ZNF250: variants seen among roughly 807,000 people sequenced by gnomAD.
ZNF250 encodes zinc finger protein (clone 647).
Under a neutral mutation model 37.1 loss-of-function variants are expected in ZNF250, and 13 were observed. The ratio of observed to expected loss-of-function variants is 0.35; its 90% CI spans 0.23 to 0.56. The LOEUF is 0.56. ZNF250 is among the 20% of genes least tolerant of loss of function. ZNF250 has a pLI of 0.87. For synonymous variants in ZNF250, 251 were observed against 265.6 expected (o/e 0.94, Z 0.54); for missense variants, 474 against 697.9 (o/e 0.68, Z 3.61).
chr8:144,893,288 C>T (rs1832479711), intron 1 of ZNF250, among the ~76,000 whole-genome samples: 1 of 152,188 alleles, frequency 6.6e-6, no homozygotes, highest in South Asian at 2.1e-4. Flanking sequence ...TCTCTCCTGC[C>T]ACACCCTGAC....
rs1831275430 is a variant in ZNF250 at position 144,878,818 on chromosome 8, C to T, written c.*2697G>A. The T allele has an allele frequency of 6.6e-6, 1 of 152,142 alleles. No individual in the cohort carries two copies. Among genetic ancestry groups the T allele is most frequent in the South Asian group, 2.1e-4 (1 of 4,832 alleles). The allele number at this position is 152,142 out of a possible 1,614,324, so 9.4% of individuals were successfully genotyped here. ...CAATGATCTAATCTCTAAAGTAATA[C>T]CTTAGTGATCCCATTTCCGTTATTT... On this transcript the variant is annotated 3_prime_UTR_variant, in exon 6 of 6. Transcript: ENST00000417550.
rs1184029120 is a variant in ZNF250, at chr8:144,879,304, C to T, written c.*2211G>A. On this transcript the variant is annotated 3_prime_UTR_variant, in exon 6 of 6. Coordinates refer to ENST00000417550, the MANE Select transcript of ZNF250 (RefSeq NM_001109689.4). Reference sequence around the variant, plus strand: ...CAGCTCCTTTCTCAAGTTAACCAATCAGTTACCAGTTCCTCTCTGGAGTTA... The same window carrying T: ...CAGCTCCTTTCTCAAGTTAACCAATTAGTTACCAGTTCCTCTCTGGAGTTA... 1 of 152,250 alleles carries T rather than the reference C, an allele frequency of 6.6e-6. No individual in the cohort carries two copies. Among genetic ancestry groups the T allele is most frequent in the African/African-American group, 2.4e-5 (1 of 41,464 alleles). The allele number at this position is 152,250 out of a possible 1,614,324, so 9.4% of individuals were successfully genotyped here.
At chr8:144,898,105 T>A (rs1238210100) in intron 1 of ZNF250, among the ~76,000 whole-genome samples, 2 of 152,164 alleles carry the variant, frequency 1.3e-5, no homozygotes, top group Admixed American at 6.6e-5. Context: ...AAGACCAGCC[T>A]GGGTGACATG....
In ZNF250 at chr8:144,884,847, G is replaced by C. The variant is rs2735959; in HGVS notation, c.346+1993C>G. The stretch of plus-strand genomic sequence containing the variant: ...TCCTCACCCACATGTTATATTGTCA[G>C]ATCTTTCCATTTTTTCCATTCTGAA... On this transcript the variant is annotated intron_variant, in intron 5 of 5. Coordinates refer to ENST00000417550, the MANE Select transcript of ZNF250 (RefSeq NM_001109689.4). Among the ~76,000 whole-genome samples the C allele has an allele frequency of 2.6e-3, 397 of 152,236 alleles. 14 individuals are homozygous for C. In the East Asian group the frequency reaches 0.07, roughly 27 times the overall value.
rs1026872331 is a variant in ZNF250 at position 144,882,800 on chromosome 8, A to C, written c.383T>G (p.Leu128Trp). Residue 128 changes from leucine to tryptophan, a missense_variant, in exon 6 of 6, where the codon TTG becomes TGG. By Grantham distance (61) the Leu-to-Trp change is moderately conservative. This residue lies in a region of ZNF250 where 192 missense variants were observed against 227.5 expected (regional missense o/e 0.84). Coordinates refer to ENST00000417550, the MANE Select transcript of ZNF250 (RefSeq NM_001109689.4). The surrounding 1 kb of genome is among the most constrained non-coding windows in gnomAD (Gnocchi z 5.5). ...CTCTGAAATTAATGGCTTCGGACTC[A>C]AGTCTGTATTTTGACTCTCTCCCTT... Reference protein sequence around the residue: ...ETKGESQNTDLSPKPLISEQT... With the variant: ...ETKGESQNTDWSPKPLISEQT... The C allele has an allele frequency of 1.2e-6, 2 of 1,612,956 alleles. No individual in the cohort carries two copies. Among genetic ancestry groups the C allele is most frequent in the Admixed American group, 1.7e-5 (1 of 59,752 alleles).
chr8:144,880,724 T>G lies in ZNF250; in HGVS notation c.*791A>C, dbSNP rs935989596. 3.0e-6 allele frequency: 1 copy of G among 328,882 alleles called. No homozygotes were observed. The highest frequency in any genetic ancestry group is 6.1e-6 in the Non-Finnish European group (1 of 163,608). The allele number at this position is 328,882 out of a possible 1,614,324, so 20.4% of individuals were successfully genotyped here. A position where few individuals can be genotyped will look rare whatever the true frequency, so the allele number is the denominator to read the frequency against. Reference sequence around the variant, plus strand: ...ACTAAAAATACAAAAATTAGCCAGGTGTGGTGGCGCATATCTATAATCCTA... The same window carrying G: ...ACTAAAAATACAAAAATTAGCCAGGGGTGGTGGCGCATATCTATAATCCTA... On this transcript the variant is annotated 3_prime_UTR_variant, in exon 6 of 6. Transcript: ENST00000417550.
In ZNF250 at chr8:144,882,562, G is replaced by C; in HGVS notation, c.621C>G (p.Ser207=). The part of the protein sequence containing the change: ...VECGKCFGRS[S]HLLQHQRIHT... ...GGATACGCTGATGCTGAAGGAGGTG[G>C]GAACTCCGGCCAAAGCACTTCCCAC... The change falls in exon 6 of 6, where the codon TCC becomes TCG. Residue 207 remains serine, a synonymous_variant. Transcript: ENST00000417550. The surrounding 1 kb of genome is among the most constrained non-coding windows in gnomAD (Gnocchi z 5.5). The C allele has an allele frequency of 6.2e-7, 1 of 1,614,050 alleles. No homozygotes were observed. The highest frequency in any genetic ancestry group is 8.5e-7 in the Non-Finnish European group (1 of 1,180,006).
Position 144,889,653 on chromosome 8 carries a change from G to C in ZNF250, c.211C>G (p.Arg71Gly). 1 of 1,613,930 alleles carries C rather than the reference G, an allele frequency of 6.2e-7. No homozygotes were observed. The highest frequency in any genetic ancestry group is 1.1e-5 in the South Asian group (1 of 91,090). Residue 71 changes from arginine to glycine, a missense_variant, in exon 4 of 6, where the codon CGA becomes GGA. Transcript: ENST00000417550. ...SKPDIISQLE[R>G]GEDPWVLDRK... The stretch of plus-strand genomic sequence containing the variant: ...TCCAGGACCCAGGGATCTTCCCCTC[G>C]CTCCAGCTGGGAGATTATGTCAGGC...
chr8:144,886,917 G>GC lies in ZNF250; in HGVS notation c.284-16dup, dbSNP rs1831923058. ...TTTGAGGTTGTCTGGAAAAAAAACA[G>GC]CGAGTTGAAGTGACAACAAAATACT... On this transcript the variant is annotated splice_polypyrimidine_tract_variant and intron_variant, in intron 4 of 5. Transcript: ENST00000417550. 6.2e-7 allele frequency: 1 copy of GC among 1,612,358 alleles called. No individual in the cohort carries two copies. The highest frequency in any genetic ancestry group is 1.1e-5 in the South Asian group (1 of 91,062).
intron 4 of ZNF250, among the ~76,000 whole-genome samples, chr8:144,888,378 C>A (rs1309255837): frequency 2.0e-5 from 3 of 152,098 alleles, no homozygotes; most frequent in Non-Finnish European, 4.4e-5. Context: ...AGGTGGATCA[C>A]TTCAGGTCAG....
rs35055560 is a variant in ZNF250 at position 144,889,609 on chromosome 8, C to T, written c.255G>A (p.Lys85=). ...AGTAGTCACTCCACAGGCCCTGGCT[C>T]TTCTTAGCCCCCTTCCTGTCCAGGA... ...PWVLDRKGAK[K]SQGLWSDYSD... Residue 85 remains lysine, a synonymous_variant, in exon 4 of 6, where the codon AAG becomes AAA. Coordinates refer to ENST00000417550, the MANE Select transcript of ZNF250 (RefSeq NM_001109689.4). The T allele has an allele frequency of 8.1e-5, 131 of 1,614,004 alleles. No homozygotes were observed. In the African/African-American group the frequency reaches 1.6e-3, roughly 19 times the overall value.
intron 4 of ZNF250, among the ~76,000 whole-genome samples, chr8:144,888,546 G>A (rs1000768747): frequency 2.1e-5 from 3 of 141,222 alleles, no homozygotes; most frequent in South Asian, 2.2e-4. Context: ...GCAGTGACCC[G>A]AGACTCATGC....
rs747989140 is a variant in ZNF250, at chr8:144,890,325, C to T, written c.25G>A (p.Val9Met). Residue 9 changes from valine (V) to methionine (M), a missense_variant, in exon 2 of 6, where the codon GTG becomes ATG. By Grantham distance (21) the Val-to-Met change is conservative (BLOSUM62 1). This residue lies in a region of ZNF250 where 192 missense variants were observed against 227.5 expected (regional missense o/e 0.84). Transcript: ENST00000417550. This position sits in a 1 kb window ranked among gnomAD's most constrained non-coding sequence, Gnocchi z 5.1. MAAARLLP[V>M]PAGPQAKLTF... Reference sequence around the variant, plus strand: ...CAGCTTACCTGGGGTCCTGCCGGCACTGGCAGGAGTCTGGCTGCTGCCATC... The same window carrying T: ...CAGCTTACCTGGGGTCCTGCCGGCATTGGCAGGAGTCTGGCTGCTGCCATC... 6 of 1,511,706 alleles carry T rather than the reference C, an allele frequency of 4.0e-6. No homozygotes were observed. Among genetic ancestry groups the T allele is most frequent in the Admixed American group, 2.2e-5 (1 of 45,316 alleles). 93.6% of individuals were successfully genotyped at this position (1,511,706 alleles called of 1,614,324 possible).
At chr8:144,886,583 A>T (rs1313063098) in intron 5 of ZNF250, among the ~76,000 whole-genome samples, 2 of 152,230 alleles carry the variant, frequency 1.3e-5, no homozygotes, top group Non-Finnish European at 2.9e-5. Flanking sequence ...AAATAAAAGG[A>T]AACAAAATGA....
At position 144,890,033 on chromosome 8, in the gene ZNF250, A is replaced by T; in HGVS notation, c.69T>A (p.Ala23=). 6.2e-7 allele frequency: 1 copy of T among 1,613,268 alleles called. No individual in the cohort carries two copies. The highest frequency in any genetic ancestry group is 8.5e-7 in the Non-Finnish European group (1 of 1,179,574). The change falls in exon 3 of 6, where the codon GCT becomes GCA. Residue 23 remains alanine, a synonymous_variant. Coordinates refer to ENST00000417550, the MANE Select transcript of ZNF250 (RefSeq NM_001109689.4). This position sits in a 1 kb window ranked among gnomAD's most constrained non-coding sequence, Gnocchi z 5.1. ...CCCATTCATCCTGGGAGAGGAGCAC[A>T]GCCACATCCTCGAAGGTCAGCTTGG... ...PQAKLTFEDV[A]VLLSQDEWDR... is the part of the protein sequence containing the mutation.
chr8:144,892,862 ATTT>A (rs34744587), intron 1 of ZNF250, among the ~76,000 whole-genome samples: 1 of 135,130 alleles, frequency 7.4e-6, no homozygotes. Flanking sequence ...CCAGCCACCA[ATTT>A]TTTTTTTTTT....
At position 144,877,567 on chromosome 8, in the gene ZNF250, T is replaced by G. The variant is rs1229487573; in HGVS notation, c.*3948A>C. On this transcript the variant is annotated 3_prime_UTR_variant, in exon 6 of 6. Coordinates refer to ENST00000417550, the MANE Select transcript of ZNF250 (RefSeq NM_001109689.4). ...ATAGCCCACATGTTCCAGTAGGTCA[T>G]GTGCCACCTCTTTCTCCTTGGAGAG... The G allele has an allele frequency of 6.6e-6, 1 of 152,220 alleles. No homozygotes were observed. The highest frequency in any genetic ancestry group is 1.9e-4 in the East Asian group (1 of 5,194). 9.4% of individuals were successfully genotyped at this position (152,220 alleles called of 1,614,324 possible).
chr8:144,889,089 T>G lies in ZNF250; in HGVS notation c.283+492A>C, dbSNP rs536618485. Among the ~76,000 whole-genome samples, 14 of 152,316 alleles carry G rather than the reference T, an allele frequency of 9.2e-5. No homozygotes were observed. The East Asian group carries it at 2.7e-3, about 29-fold the overall frequency. On this transcript the variant is annotated intron_variant, in intron 4 of 5. Coordinates refer to ENST00000417550, the MANE Select transcript of ZNF250 (RefSeq NM_001109689.4). The stretch of plus-strand genomic sequence containing the variant: ...GGCCGGTTTTGCCTTATTTTGTACA[T>G]GGGATACCCAGTACAACATTATATG...
chr8:144,888,277 C>T (rs957379522), intron 4 of ZNF250, among the ~76,000 whole-genome samples: 1 of 151,980 alleles, frequency 6.6e-6, no homozygotes. Flanking sequence ...AATATTACAC[C>T]TTTGCTGGTT....
Sources: gnomAD v4.1 joint callset for allele counts (sites outside exome capture counted in the v4.1 genomes callset) on GRCh38, gnomAD v4.1.1 for gene constraint, gnomAD v4.1.1 regional missense constraint, Gnocchi (gnomAD v3.1) non-coding constraint, MANE v1.5 for transcripts, NCBI Gene and HGNC (gene_info 2026-07-23, HGNC 2026-07-21) for gene names.